EXT1: variants seen among roughly 807,000 people sequenced by gnomAD.
EXT1 encodes exostosin glycosyltransferase 1.
EXT1 carries 20 observed loss-of-function variants against 82.5 expected under a neutral mutation model. The ratio of observed to expected loss-of-function variants is 0.24; its 90% CI spans 0.17 to 0.35. EXT1 has a LOEUF of 0.35. Among genes scored for constraint, EXT1 ranks in the 10% least tolerant of loss-of-function variants. The probability of loss-of-function intolerance (pLI) is 1.00; values close to 1 mark genes in which losing one functional copy is unlikely to be tolerated. For synonymous variants in EXT1, 348 were observed against 350.8 expected, an observed-to-expected ratio of 0.99 and a Z score of 0.09; for missense variants, 757 against 936.5, an observed-to-expected ratio of 0.81 and a Z score of 2.50.
At chr8:117,894,353 C>T (rs1438428794) in intron 1 of EXT1, among the ~76,000 whole-genome samples, 1 of 152,060 alleles carries the variant, frequency 6.6e-6, no homozygotes. Context: ...GTAAATACCC[C>T]TTGGAATATT....
intron 3 of EXT1, chr8:117,831,467 A>T (rs17430210): frequency 2.5e-6 from 1 of 402,484 alleles, no homozygotes; most frequent in Non-Finnish European, 5.1e-6. Context: ...TCTGAAATGT[A>T]CTTCCTGAGT....
chr8:117,856,249 TTTC>T (rs1185663460), intron 1 of EXT1, among the ~76,000 whole-genome samples: 1 of 150,168 alleles, frequency 6.7e-6, no homozygotes, highest in Admixed American at 6.6e-5. Flanking sequence ...AGTAAGGCTT[TTTC>T]TTTTTTTTTT....
chr8:117,888,751 T>C (rs1428269128), intron 1 of EXT1, among the ~76,000 whole-genome samples: 1 of 152,176 alleles, frequency 6.6e-6, no homozygotes, highest in African/African-American at 2.4e-5. Flanking sequence ...TCCTCCCCAT[T>C]TGCCTTCCAT....
At chr8:117,811,375 C>T (rs1038699247) in intron 8 of EXT1, among the ~76,000 whole-genome samples, 1 of 152,146 alleles carries the variant, frequency 6.6e-6, no homozygotes, top group Admixed American at 6.5e-5. Context: ...TTATCAACAT[C>T]CCTTCCTCCT....
chr8:117,818,944 A>G (rs1811874837), intron 6 of EXT1, among the ~76,000 whole-genome samples: 1 of 152,238 alleles, frequency 6.6e-6, no homozygotes, highest in Non-Finnish European at 1.5e-5. Flanking sequence ...TCTGCTCTGA[A>G]CTTGCACTAC....
chr8:117,934,106 TG>T (rs1398095510), intron 1 of EXT1, among the ~76,000 whole-genome samples: 1 of 152,200 alleles, frequency 6.6e-6, no homozygotes, highest in Non-Finnish European at 1.5e-5. Flanking sequence ...CACAGTGTTT[TG>T]AAACCCTTTA....
chr8:117,804,585 C>T, intron 10 of EXT1, 137 bp downstream of exon 10: 2 of 946,732 alleles, frequency 2.1e-6, no homozygotes, highest in South Asian at 1.3e-5. Context: ...TCTTTTCTAG[C>T]TTTCAGATGT....
At chr8:118,092,677 G>T (rs907900226) in intron 1 of EXT1, among the ~76,000 whole-genome samples, 3 of 152,164 alleles carry the variant, frequency 2.0e-5, no homozygotes, top group Admixed American at 1.3e-4. Context: ...AAGTCCCTCC[G>T]CACGTGTTGG....
At chr8:118,057,180 G>A (rs903876600) in intron 1 of EXT1, among the ~76,000 whole-genome samples, 2 of 152,182 alleles carry the variant, frequency 1.3e-5, no homozygotes, top group African/African-American at 4.8e-5. Flanking sequence ...TGGTTAATTC[G>A]TGAATGTTCA....
intron 1 of EXT1, among the ~76,000 whole-genome samples, chr8:118,035,541 C>G (rs1816403696): frequency 6.6e-6 from 1 of 151,890 alleles, no homozygotes; most frequent in African/African-American, 2.4e-5. Flanking sequence ...AAAAAACAGA[C>G]TTTTCCCCGG....
At chr8:117,950,912 T>G (rs1325431198) in intron 1 of EXT1, among the ~76,000 whole-genome samples, 1 of 151,758 alleles carries the variant, frequency 6.6e-6, no homozygotes, top group African/African-American at 2.4e-5. Flanking sequence ...AAACAAAAAT[T>G]TTTTTTTTAA....
At chr8:118,025,059 T>C (rs1346311569) in intron 1 of EXT1, among the ~76,000 whole-genome samples, 1 of 152,208 alleles carries the variant, frequency 6.6e-6, no homozygotes, top group East Asian at 1.9e-4. Context: ...CAGATAGTGG[T>C]TGCTTCTGAG....
At chr8:117,823,202 A>G (rs1335213055) in intron 4 of EXT1, among the ~76,000 whole-genome samples, 1 of 152,166 alleles carries the variant, frequency 6.6e-6, no homozygotes, top group Non-Finnish European at 1.5e-5. Flanking sequence ...GTAGTGAGTT[A>G]ACAATTGCTT....
At chr8:117,840,024 A>G (rs922692423) in intron 1 of EXT1, among the ~76,000 whole-genome samples, 2 of 152,192 alleles carry the variant, frequency 1.3e-5, no homozygotes, top group Non-Finnish European at 2.9e-5. Flanking sequence ...TACACAAAGA[A>G]GTCTGTGGCC....
intron 1 of EXT1, among the ~76,000 whole-genome samples, chr8:118,015,833 T>TA (rs554975609): frequency 6.6e-6 from 1 of 151,838 alleles, no homozygotes; most frequent in African/African-American, 2.4e-5. Context: ...GCTGTCCTTA[T>TA]AAAAAAAGGA....
At chr8:117,871,641 T>C (rs182907615) in intron 1 of EXT1, among the ~76,000 whole-genome samples, 1 of 152,238 alleles carries the variant, frequency 6.6e-6, no homozygotes, top group East Asian at 1.9e-4. Context: ...CCACAAGCAC[T>C]TCTATTCCCT....
intron 4 of EXT1, among the ~76,000 whole-genome samples, chr8:117,827,599 G>A (rs1214834488): frequency 6.6e-6 from 1 of 151,902 alleles, no homozygotes; most frequent in East Asian, 1.9e-4. Context: ...CAGATCACTT[G>A]AGGTCAGGGG....
At chr8:117,897,801 C>T (rs763811334) in intron 1 of EXT1, among the ~76,000 whole-genome samples, 7 of 151,674 alleles carry the variant, frequency 4.6e-5, no homozygotes, top group Admixed American at 2.6e-4. Context: ...CGAGGTTTCA[C>T]CATGTTGCCC....
In EXT1 at chr8:117,822,212, T is replaced by G. The variant is rs17430098; in HGVS notation, c.1417+253A>C. 6.0e-3 allele frequency among the ~76,000 whole-genome samples: 918 copies of G among 152,292 alleles called. 9 individuals are homozygous for G. The highest frequency in any genetic ancestry group is 0.017 in the Middle Eastern group (5 of 294). On this transcript the variant is annotated intron_variant, in intron 5 of 10. Transcript: ENST00000378204. ...AATGATCCATAATTTGGGGAGCCTA[T>G]TTCTCAAAAAGAAATAACTCTACTA...
Sources: allele counts gnomAD v4.1 joint callset (sites outside exome capture counted in the v4.1 genomes callset), GRCh38; gene constraint gnomAD v4.1.1; transcripts MANE v1.5; gene names NCBI Gene and HGNC (gene_info 2026-07-23, HGNC 2026-07-21).